The following CEACAM1 variants were observed in gnomAD, a reference collection of about 807,000 sequenced individuals.
The protein encoded by CEACAM1 is cell adhesion molecule CEACAM1.
CEACAM1 carries 31 observed loss-of-function variants against 49.1 expected under a neutral mutation model. That is an observed-to-expected ratio of 0.63 (90% CI 0.47 to 0.85). The LOEUF is 0.85. Ranked by LOEUF, CEACAM1 falls within the 40% of genes least tolerant of loss-of-function variation. CEACAM1 has a pLI of 0.00. For synonymous variants in CEACAM1, 244 were observed against 247.8 expected, an observed-to-expected ratio of 0.98 and a Z score of 0.14; for missense variants, 570 against 645.3, an observed-to-expected ratio of 0.88 and a Z score of 1.26.
intron 5 of CEACAM1, among the ~76,000 whole-genome samples, chr19:42,514,672 A>C (rs1192720300): frequency 6.6e-6 from 1 of 152,228 alleles, no homozygotes; most frequent in Non-Finnish European, 1.5e-5. Flanking sequence ...ACTTTTGTGG[A>C]GTACTTCCTG....
At position 42,516,257 on chromosome 19, in the gene CEACAM1, T is replaced by C. The variant is rs77210744; in HGVS notation, c.1246+2691A>G. ...CCTGTTTGCAGAATACACTAACTTA[T>C]ATATAGAAAACCCTAGAGATTCCAC... On this transcript the variant is annotated intron_variant, in intron 5 of 8. Coordinates refer to ENST00000161559, the MANE Select transcript of CEACAM1 (RefSeq NM_001712.5). Among the ~76,000 whole-genome samples the C allele has an allele frequency of 1.1e-3, 170 of 152,234 alleles. 1 individual carries two copies. In the East Asian group the frequency reaches 0.014, roughly 13 times the overall value.
Position 42,527,336 on chromosome 19 carries a change from G to A in CEACAM1, c.129C>T (p.Phe43=). 1 of 1,613,766 alleles carries A rather than the reference G, an allele frequency of 6.2e-7. No individual in the cohort carries two copies. Among genetic ancestry groups the A allele is most frequent in the Non-Finnish European group, 8.5e-7 (1 of 1,179,788 alleles). ...GAACCTCCTTCCCCTCTGCAACATT[G>A]AATGGCATGGATTCAGTAGTGAGCT... is the stretch of plus-strand genomic sequence containing the variant. ...TAQLTTESMP[F]NVAEGKEVLL... Residue 43 remains phenylalanine (F), a synonymous_variant, in exon 2 of 9, where the codon TTC becomes TTT. Transcript: ENST00000161559.
chr19:42,521,635 A>T (rs933406443), intron 3 of CEACAM1, 114 bp from the exon 4 acceptor site: 1 of 1,533,190 alleles, frequency 6.5e-7, no homozygotes, highest in African/African-American at 1.4e-5. Flanking sequence ...TGAAGTCCTA[A>T]CCAAACCTCC....
chr19:42,511,653 C>G, intron 6 of CEACAM1, 25 bp from the exon 7 acceptor site: 3 of 1,610,046 alleles, frequency 1.9e-6, no homozygotes, highest in Non-Finnish European at 2.6e-6. Flanking sequence ...GAAACTGTGA[C>G]TGCTATTCCC....
intron 5 of CEACAM1, among the ~76,000 whole-genome samples, chr19:42,514,043 C>CCT: frequency 7.0e-6 from 1 of 143,852 alleles, no homozygotes; most frequent in African/African-American, 2.6e-5. Flanking sequence ...CTCATTGTAG[C>CCT]CTCTTGGGAT....
Position 42,521,418 on chromosome 19 carries a change from G to A in CEACAM1, c.807C>T (p.Tyr269=). 1 of 1,614,248 alleles carries A rather than the reference G, an allele frequency of 6.2e-7. No homozygotes were observed. ...CYAASNPPAQ[Y]SWLINGTFQQ... is the part of the protein sequence containing the mutation. ...GGAATGTTCCATTGATAAGCCAGGA[G>A]TACTGTGCAGGTGGGTTAGAGGCTG... Residue 269 remains tyrosine (Y), a synonymous_variant, in exon 4 of 9, where the codon TAC becomes TAT. Coordinates refer to ENST00000161559, the MANE Select transcript of CEACAM1 (RefSeq NM_001712.5).
At position 42,528,440 on chromosome 19, in the gene CEACAM1, A is replaced by T. The variant is rs1423907243; in HGVS notation, c.-66T>A. The stretch of plus-strand genomic sequence containing the variant: ...CTTGGGCTCCAGGAACGCTTCGAGC[A>T]CGGCTGCTCTGTCACCTCTGCTGTT... On this transcript the variant is annotated 5_prime_UTR_variant, in exon 1 of 9. Coordinates refer to ENST00000161559, the MANE Select transcript of CEACAM1 (RefSeq NM_001712.5). 2 of 1,507,088 alleles carry T rather than the reference A, an allele frequency of 1.3e-6. No individual in the cohort carries two copies. Among genetic ancestry groups the T allele is most frequent in the South Asian group, 1.1e-5 (1 of 88,460 alleles). 93.4% of individuals were successfully genotyped at this position (1,507,088 alleles called of 1,614,324 possible). A position where few individuals can be genotyped will look rare whatever the true frequency, so the allele number is the denominator to read the frequency against.
At chr19:42,509,996 T>C (rs2041417850) in intron 8 of CEACAM1, among the ~76,000 whole-genome samples, 1 of 152,226 alleles carries the variant, frequency 6.6e-6, no homozygotes, top group Non-Finnish European at 1.5e-5. Context: ...CTGGGTGTGT[T>C]CAACTTGTGA....
At chr19:42,514,988 G>C (rs563878910) in intron 5 of CEACAM1, 2 of 658,038 alleles carry the variant, frequency 3.0e-6, no homozygotes, top group Non-Finnish European at 5.5e-6. Flanking sequence ...TAACACTATG[G>C]GGCCAGGCGT....
chr19:42,511,045 C>T, intron 7 of CEACAM1, 125 bp from the exon 8 acceptor site: 1 of 861,810 alleles, frequency 1.2e-6, no homozygotes, highest in Non-Finnish European at 1.9e-6. Flanking sequence ...ATTTACTTCC[C>T]TCAGAGTGTA....
chr19:42,527,841 A>G, intron 1 of CEACAM1: 1 of 196,480 alleles, frequency 5.1e-6, no homozygotes, highest in Non-Finnish European at 1.0e-5. Flanking sequence ...TGAGAGCGTG[A>G]GCTCCGTGAG....
chr19:42,522,674 G>A (rs996139509), intron 2 of CEACAM1, among the ~76,000 whole-genome samples: 1 of 151,910 alleles, frequency 6.6e-6, no homozygotes, highest in Non-Finnish European at 1.5e-5. Flanking sequence ...CGATTCTCCT[G>A]CCTCAGCCTC....
intron 7 of CEACAM1, chr19:42,511,324 C>T: frequency 3.4e-6 from 2 of 587,630 alleles, no homozygotes; most frequent in South Asian, 2.1e-5. Context: ...GGAAATGGCT[C>T]CTGGAAACAT....
At chr19:42,526,149 C>A (rs144090431) in intron 2 of CEACAM1, among the ~76,000 whole-genome samples, 94 of 152,018 alleles carry the variant, frequency 6.2e-4, no homozygotes, top group African/African-American at 2.1e-3. Context: ...GTAGAGACGG[C>A]ATTTCACCAT....
intron 7 of CEACAM1, 135 bp downstream of exon 7, chr19:42,511,441 T>A: frequency 1.3e-6 from 1 of 767,774 alleles, no homozygotes; most frequent in African/African-American, 1.7e-5. Flanking sequence ...TATGCCACCT[T>A]AGGGTTGGGA....
rs145087706 is a variant in CEACAM1 at position 42,527,176 on chromosome 19, C to G, written c.289G>C (p.Gly97Arg). 6.2e-7 allele frequency: 1 copy of G among 1,614,134 alleles called. No individual in the cohort carries two copies. Among genetic ancestry groups the G allele is most frequent in the Non-Finnish European group, 8.5e-7 (1 of 1,180,032 alleles). Residue 97 changes from glycine to arginine, a missense_variant, in exon 2 of 9, where the codon GGT (glycine) becomes CGT (arginine). Physicochemically the swap from Gly to Arg is moderately radical, Grantham distance 125. Coordinates refer to ENST00000161559, the MANE Select transcript of CEACAM1 (RefSeq NM_001712.5). ...GCATTGGGGTATATTGTCTCTCGACCGCTGTTTGCGGGCCCTGGGGTAGCT... is the reference window on the plus strand; with the variant it reads ...GCATTGGGGTATATTGTCTCTCGACGGCTGTTTGCGGGCCCTGGGGTAGCT... Reference protein sequence around the residue: ...QQATPGPANSGRETIYPNASL... With the variant: ...QQATPGPANSRRETIYPNASL...
At chr19:42,516,291 T>C (rs866084687) in intron 5 of CEACAM1, among the ~76,000 whole-genome samples, 1 of 152,016 alleles carries the variant, frequency 6.6e-6, no homozygotes, top group South Asian at 2.1e-4. Context: ...ACAAAAAAAC[T>C]GTTAGAATAA....
chr19:42,511,191 C>T (rs2041447599), intron 7 of CEACAM1: 1 of 578,980 alleles, frequency 1.7e-6, no homozygotes, highest in South Asian at 2.2e-5. Context: ...GCAACATGCT[C>T]CAGTGGCAAG....
intron 8 of CEACAM1, among the ~76,000 whole-genome samples, chr19:42,510,613 T>A (rs1202588546): frequency 1.3e-5 from 2 of 152,202 alleles, no homozygotes; most frequent in Non-Finnish European, 2.9e-5. Flanking sequence ...ATTTTACAGA[T>A]GACAAAGCTG....
Sources: gnomAD v4.1 joint callset for allele counts (sites outside exome capture counted in the v4.1 genomes callset) on GRCh38, gnomAD v4.1.1 for gene constraint, MANE v1.5 for transcripts, NCBI Gene and HGNC (gene_info 2026-07-23, HGNC 2026-07-21) for gene names.